Variants in DCLK2 observed in about 807,000 individuals in gnomAD.
DCLK2 encodes serine/threonine-protein kinase DCLK2.
DCLK2 carries 31 observed loss-of-function variants against 78.4 expected under a neutral mutation model. That is an observed-to-expected ratio of 0.40 (90% CI 0.30 to 0.53). DCLK2 has a LOEUF of 0.53. DCLK2 is among the 20% of genes least tolerant of loss of function. The pLI is 0.61. For synonymous variants in DCLK2, 407 were observed against 374.9 expected (o/e 1.09, Z -0.99); for missense variants, 872 against 973.7 (o/e 0.90, Z 1.39).
chr4:150,176,866 A>G (rs1737129860), intron 2 of DCLK2, among the ~76,000 whole-genome samples: 2 of 152,248 alleles, frequency 1.3e-5, no homozygotes, highest in African/African-American at 4.8e-5. Context: ...ATAGAGCTTG[A>G]TGATAAATGC....
chr4:150,107,567 G>T (rs1019240434), intron 2 of DCLK2, among the ~76,000 whole-genome samples: 1 of 151,648 alleles, frequency 6.6e-6, no homozygotes, highest in African/African-American at 2.4e-5. Context: ...GTAGAAATTG[G>T]GTTTCCCTGT....
intron 2 of DCLK2, among the ~76,000 whole-genome samples, chr4:150,166,728 A>G (rs1736110249): frequency 6.7e-6 from 1 of 149,078 alleles, no homozygotes; most frequent in South Asian, 2.3e-4. Flanking sequence ...AGGCACTCCA[A>G]GCAGTGATTA....
chr4:150,169,260 A>G (rs974928099), intron 2 of DCLK2, among the ~76,000 whole-genome samples: 5 of 152,260 alleles, frequency 3.3e-5, no homozygotes, highest in Non-Finnish European at 5.9e-5. Flanking sequence ...CTTTAGGGTT[A>G]TCATATTTAG....
rs1279544278 is a variant in DCLK2 at position 150,088,466 on chromosome 4, T to C, written c.421+9018T>C. 2.6e-5 allele frequency among the ~76,000 whole-genome samples: 4 copies of C among 152,214 alleles called. No homozygotes were observed. In the South Asian group the frequency reaches 8.3e-4, roughly 32 times the overall value. Reference sequence around the variant, plus strand: ...ACAGCCTTCAGATTTTTTTCTTTTTTCTTTTTAAATTCTTTTTACATTTTA... The same window carrying C: ...ACAGCCTTCAGATTTTTTTCTTTTTCCTTTTTAAATTCTTTTTACATTTTA... On this transcript the variant is annotated intron_variant, in intron 1 of 15. Transcript: ENST00000296550.
rs1182388356 is a variant in DCLK2 at position 150,103,415 on chromosome 4, C to CA, written c.756+610dup. On this transcript the variant is annotated intron_variant, in intron 2 of 15. Coordinates refer to ENST00000296550, the MANE Select transcript of DCLK2 (RefSeq NM_001040260.4). Reference sequence around the variant, plus strand: ...ACAATGTATCAGGGAACCTAAGGGACAAAAAAAGTTGGCATATTGCAAAAA... The same window carrying CA: ...ACAATGTATCAGGGAACCTAAGGGACAAAAAAAAGTTGGCATATTGCAAAAA... 8.6e-5 allele frequency among the ~76,000 whole-genome samples: 13 copies of CA among 151,952 alleles called. No homozygotes were observed. The East Asian group carries it at 2.5e-3, about 29-fold the overall frequency.
chr4:150,250,672 CACAGCTCCGTCACTCGTACTTGGG>C (rs879355698), intron 15 of DCLK2, among the ~76,000 whole-genome samples: 53 of 151,782 alleles, frequency 3.5e-4, no homozygotes, highest in Admixed American at 6.6e-4. Context: ...GGGCCACCTC[CACAGCTCCGTCACTCGTACTTGGG>C]ACAGGCCTCT....
At chr4:150,129,713 C>T (rs922438654) in intron 2 of DCLK2, among the ~76,000 whole-genome samples, 7 of 151,118 alleles carry the variant, frequency 4.6e-5, no homozygotes, top group African/African-American at 1.5e-4. Context: ...AGCAAGACTC[C>T]GTCTCAAAAA....
At chr4:150,190,029 T>C (rs1337715406) in intron 2 of DCLK2, among the ~76,000 whole-genome samples, 1 of 8,066 alleles carries the variant, frequency 1.2e-4, no homozygotes, top group African/African-American at 3.1e-4. Context: ...AGGGAGACCC[T>C]GTCTCAAAAA....
chr4:150,120,230 T>G (rs926642578), intron 2 of DCLK2, among the ~76,000 whole-genome samples: 1 of 152,186 alleles, frequency 6.6e-6, no homozygotes, highest in Non-Finnish European at 1.5e-5. Context: ...GAGAAGTTTT[T>G]GGGGACTCAC....
chr4:150,250,149 C>T (rs1299385518), intron 15 of DCLK2, among the ~76,000 whole-genome samples: 4 of 152,090 alleles, frequency 2.6e-5, no homozygotes, highest in African/African-American at 4.8e-5. Flanking sequence ...TTTTATAAAA[C>T]ACAGTTTGGG....
intron 2 of DCLK2, among the ~76,000 whole-genome samples, chr4:150,112,186 T>C (rs906766605): frequency 6.6e-6 from 1 of 152,168 alleles, no homozygotes; most frequent in Non-Finnish European, 1.5e-5. Flanking sequence ...TCTCCTTTGT[T>C]AAGCATATTC....
chr4:150,122,956 T>C (rs1033226409), intron 2 of DCLK2, among the ~76,000 whole-genome samples: 1 of 152,226 alleles, frequency 6.6e-6, no homozygotes, highest in Non-Finnish European at 1.5e-5. Flanking sequence ...GTAAGAGCTT[T>C]GTCACCACTC....
chr4:150,180,886 A>G (rs1409394502), intron 2 of DCLK2, among the ~76,000 whole-genome samples: 1 of 152,198 alleles, frequency 6.6e-6, no homozygotes, highest in Non-Finnish European at 1.5e-5. Context: ...TAAAGAAATT[A>G]TCTGACCTAC....
Position 150,110,208 on chromosome 4 carries a change from T to A in DCLK2, c.756+7396T>A, listed in dbSNP as rs145638871. On this transcript the variant is annotated intron_variant, in intron 2 of 15. Coordinates refer to ENST00000296550, the MANE Select transcript of DCLK2 (RefSeq NM_001040260.4). The stretch of plus-strand genomic sequence containing the variant: ...AATGACATCACTGCAAACTCTCTTG[T>A]TTCCTCAATTATTCATTTGATGTCT... Among the ~76,000 whole-genome samples, 514 of 152,314 alleles carry A rather than the reference T, an allele frequency of 3.4e-3. 4 individuals are homozygous for A. Among genetic ancestry groups the A allele is most frequent in the African/African-American group, 0.011 (444 of 41,580 alleles).
chr4:150,092,463 A>T (rs1032967105), intron 1 of DCLK2, among the ~76,000 whole-genome samples: 2 of 152,110 alleles, frequency 1.3e-5, no homozygotes, highest in Non-Finnish European at 2.9e-5. Flanking sequence ...CATCTTCTCT[A>T]ATACCTTTTT....
chr4:150,251,833 C>G (rs1470951615), intron 15 of DCLK2, among the ~76,000 whole-genome samples: 2 of 150,388 alleles, frequency 1.3e-5, no homozygotes, highest in Non-Finnish European at 3.0e-5. Flanking sequence ...TCAGCACCCA[C>G]TGGGCCGTCA....
At chr4:150,147,012 G>A (rs989780116) in intron 2 of DCLK2, among the ~76,000 whole-genome samples, 2 of 152,116 alleles carry the variant, frequency 1.3e-5, no homozygotes. Flanking sequence ...GGCCAAGTGT[G>A]GTGGCTCATG....
chr4:150,227,337 C>T (rs970687410), intron 8 of DCLK2, among the ~76,000 whole-genome samples: 1 of 152,206 alleles, frequency 6.6e-6, no homozygotes, highest in African/African-American at 2.4e-5. Context: ...CATATTCTGT[C>T]TGCAAGACAC....
intron 3 of DCLK2, among the ~76,000 whole-genome samples, chr4:150,196,062 A>T (rs535969583): frequency 4.0e-5 from 6 of 151,746 alleles, no homozygotes; most frequent in African/African-American, 9.7e-5. Context: ...TAGGAGGCAA[A>T]TTTTTTTTTA....
Sources: gnomAD v4.1 joint callset for allele counts (sites outside exome capture counted in the v4.1 genomes callset) on GRCh38, gnomAD v4.1.1 for gene constraint, MANE v1.5 for transcripts, NCBI Gene and HGNC (gene_info 2026-07-23, HGNC 2026-07-21) for gene names.